DLGAP2: variants seen among roughly 807,000 people sequenced by gnomAD.
The protein encoded by DLGAP2 is DLG associated protein 2, also known as disks large-associated protein 2.
In DLGAP2, 26 loss-of-function variants were observed where a neutral mutation model predicts 100.3. That is an observed-to-expected ratio of 0.26 (90% CI 0.19 to 0.36). The LOEUF (loss-of-function observed/expected upper bound fraction) is 0.36, where lower values mean the gene tolerates loss of function less well. Among genes scored for constraint, DLGAP2 ranks in the 10% least tolerant of loss-of-function variants. The pLI is 1.00. For missense variants in DLGAP2, 1,858 were observed against 1,453.2 expected (o/e 1.28, Z -4.53); for synonymous variants, 886 against 630.1 (o/e 1.41, Z -6.08).
chr8:969,363 C>T (rs988295770), intron 2 of DLGAP2, among the ~76,000 whole-genome samples: 1 of 152,072 alleles, frequency 6.6e-6, no homozygotes, highest in Non-Finnish European at 1.5e-5. Context: ...GCGAGTGAGC[C>T]AATCCCTTGA....
intron 2 of DLGAP2, among the ~76,000 whole-genome samples, chr8:1,216,884 G>A (rs1225803758): frequency 1.3e-5 from 2 of 152,134 alleles, no homozygotes; most frequent in Non-Finnish European, 2.9e-5. Flanking sequence ...GTAAATATGA[G>A]GTGTTTAATC....
chr8:954,435 C>T (rs1443686563), intron 2 of DLGAP2, among the ~76,000 whole-genome samples: 1 of 152,152 alleles, frequency 6.6e-6, no homozygotes. Flanking sequence ...GACGCAGTAT[C>T]TGTAATACTA....
chr8:1,384,066 G>T (rs546279846), intron 3 of DLGAP2, among the ~76,000 whole-genome samples: 1 of 152,202 alleles, frequency 6.6e-6, no homozygotes, highest in Non-Finnish European at 1.5e-5. Context: ...CAGACGTTGG[G>T]AAACAGTATA....
intron 2 of DLGAP2, chr8:1,137,599 C>T (rs778349497): frequency 2.0e-5 from 3 of 152,128 alleles, no homozygotes; most frequent in East Asian, 1.9e-4. Context: ...AGTAAAACTC[C>T]CTGTTTGAAT....
At chr8:1,332,849 C>T (rs1198398548) in intron 3 of DLGAP2, among the ~76,000 whole-genome samples, 1 of 152,168 alleles carries the variant, frequency 6.6e-6, no homozygotes, top group Non-Finnish European at 1.5e-5. Flanking sequence ...AATACGTGGG[C>T]TTCTTGCTGG....
intron 6 of DLGAP2, among the ~76,000 whole-genome samples, chr8:1,598,266 C>A (rs138740368): frequency 0.011 from 1,674 of 152,276 alleles, 16 homozygotes; most frequent in Non-Finnish European, 0.016. Flanking sequence ...TTCAGTTTGC[C>A]AGTATTTTAT....
chr8:883,952 C>A lies in DLGAP2; in HGVS notation c.19-23960C>A, dbSNP rs187898231. 1.4e-3 allele frequency among the ~76,000 whole-genome samples: 213 copies of A among 152,296 alleles called. 1 individual carries two copies. Among genetic ancestry groups the A allele is most frequent in the African/African-American group, 5.0e-3 (209 of 41,558 alleles). Reference sequence around the variant, plus strand: ...AATGGCTTCCAGCTTCATCCATGTCCCTGAAAAGGACATGATCTCTTTGCT... The same window carrying A: ...AATGGCTTCCAGCTTCATCCATGTCACTGAAAAGGACATGATCTCTTTGCT... On this transcript the variant is annotated intron_variant, in intron 1 of 14. Transcript: ENST00000637795.
At chr8:1,645,430 C>A (rs543933592) in intron 8 of DLGAP2, among the ~76,000 whole-genome samples, 1 of 152,138 alleles carries the variant, frequency 6.6e-6, no homozygotes, top group Middle Eastern at 3.2e-3. Context: ...GGCTAAGTTA[C>A]GATGTTTGGT....
At chr8:1,252,900 C>G (rs79620690) in intron 2 of DLGAP2, among the ~76,000 whole-genome samples, 1 of 152,182 alleles carries the variant, frequency 6.6e-6, no homozygotes, top group East Asian at 1.9e-4. Flanking sequence ...GTCACTGTCA[C>G]AGCTGGAGGG....
intron 2 of DLGAP2, among the ~76,000 whole-genome samples, chr8:1,112,852 C>T (rs1319498653): frequency 6.6e-6 from 1 of 152,172 alleles, no homozygotes; most frequent in Non-Finnish European, 1.5e-5. Flanking sequence ...ACATTTAAGT[C>T]TTTAATCCAT....
At chr8:1,191,303 T>C (rs984068177) in intron 2 of DLGAP2, among the ~76,000 whole-genome samples, 11 of 151,524 alleles carry the variant, frequency 7.3e-5, no homozygotes, top group Non-Finnish European at 1.6e-4. Context: ...CCCGAGTAGC[T>C]GGGACTACAG....
At chr8:817,690 G>T (rs1364186783) in intron 1 of DLGAP2, among the ~76,000 whole-genome samples, 1 of 152,122 alleles carries the variant, frequency 6.6e-6, no homozygotes. Flanking sequence ...CTTCCCTTAG[G>T]TATGTGGCTT....
intron 2 of DLGAP2, among the ~76,000 whole-genome samples, chr8:1,082,106 C>T (rs1803830729): frequency 6.6e-6 from 1 of 152,142 alleles, no homozygotes; most frequent in South Asian, 2.1e-4. Flanking sequence ...GTAATATCTT[C>T]CTCTGTTTTG....
At chr8:925,427 T>C (rs551685234) in intron 2 of DLGAP2, among the ~76,000 whole-genome samples, 1 of 152,292 alleles carries the variant, frequency 6.6e-6, no homozygotes, top group Non-Finnish European at 1.5e-5. Context: ...GGGCTGAAGT[T>C]ACCTCACGGA....
intron 2 of DLGAP2, among the ~76,000 whole-genome samples, chr8:949,010 CG>C (rs1349335499): frequency 6.6e-6 from 1 of 151,514 alleles, no homozygotes; most frequent in African/African-American, 2.4e-5. Flanking sequence ...CAGGACCTGT[CG>C]GGGTGGCTGC....
chr8:1,494,456 G>C (rs1799487216), intron 3 of DLGAP2, among the ~76,000 whole-genome samples: 1 of 152,212 alleles, frequency 6.6e-6, no homozygotes, highest in African/African-American at 2.4e-5. Flanking sequence ...ACTTGGGCAG[G>C]TGCGGTGCCT....
chr8:1,258,120 G>C (rs896182350), intron 2 of DLGAP2, among the ~76,000 whole-genome samples: 2 of 152,190 alleles, frequency 1.3e-5, no homozygotes, highest in African/African-American at 4.8e-5. Context: ...ACATACAGGG[G>C]ACTCAATACC....
chr8:1,649,678 A>C (rs1585032110), intron 8 of DLGAP2, among the ~76,000 whole-genome samples: 1 of 152,222 alleles, frequency 6.6e-6, no homozygotes, highest in African/African-American at 2.4e-5. Flanking sequence ...CTATGAAGGT[A>C]GGAAAAATAC....
chr8:1,376,170 T>G (rs562394839), intron 3 of DLGAP2, among the ~76,000 whole-genome samples: 1 of 151,176 alleles, frequency 6.6e-6, no homozygotes, highest in Non-Finnish European at 1.5e-5. Flanking sequence ...AAGACAAACA[T>G]CAGCCATGAA....
Sources: allele counts gnomAD v4.1 joint callset (sites outside exome capture counted in the v4.1 genomes callset), GRCh38; gene constraint gnomAD v4.1.1; transcripts MANE v1.5; gene names NCBI Gene and HGNC (gene_info 2026-07-23, HGNC 2026-07-21).